Variants in KCNMA1 observed in about 807,000 individuals in gnomAD.
KCNMA1 encodes the protein potassium calcium-activated channel subfamily M alpha 1.
In KCNMA1, 29 loss-of-function variants were observed where a neutral mutation model predicts 140.0. The ratio of observed to expected loss-of-function variants is 0.21; its 90% CI spans 0.15 to 0.28. KCNMA1 has a LOEUF of 0.28. Among genes scored for constraint, KCNMA1 ranks in the 10% least tolerant of loss-of-function variants. The pLI is 1.00. For missense variants in KCNMA1, 880 were observed against 1,602.2 expected, an observed-to-expected ratio of 0.55 and a Z score of 7.70; for synonymous variants, 612 against 611.9, an observed-to-expected ratio of 1.00 and a Z score of 0.00.
intron 2 of KCNMA1, among the ~76,000 whole-genome samples, chr10:77,283,212 T>C (rs1190000707): frequency 1.3e-5 from 2 of 152,254 alleles, no homozygotes. Flanking sequence ...AATGTCCATT[T>C]TCTTTCTTCA....
intron 2 of KCNMA1, among the ~76,000 whole-genome samples, chr10:77,334,844 C>T (rs912069815): frequency 1.3e-5 from 2 of 152,058 alleles, no homozygotes; most frequent in African/African-American, 4.8e-5. Context: ...TTTTGCATAA[C>T]CCAATATATG....
At chr10:77,469,311 G>A (rs924817643) in intron 1 of KCNMA1, among the ~76,000 whole-genome samples, 1 of 152,184 alleles carries the variant, frequency 6.6e-6, no homozygotes, top group Non-Finnish European at 1.5e-5. Flanking sequence ...ATTGGAGAAG[G>A]AGGATTTCTG....
At chr10:77,636,962 C>G (rs1047836281) in intron 1 of KCNMA1, 7 of 1,414,494 alleles carry the variant, frequency 4.9e-6, no homozygotes, top group Non-Finnish European at 6.4e-6. Flanking sequence ...GGCACCCGAG[C>G]CTGTGAGTCC....
intron 1 of KCNMA1, among the ~76,000 whole-genome samples, chr10:77,501,899 T>A (rs930043498): frequency 6.6e-6 from 1 of 152,172 alleles, no homozygotes; most frequent in African/African-American, 2.4e-5. Context: ...TTTCCACTCA[T>A]AAAGATGCAG....
chr10:77,527,892 G>T (rs1031584125), intron 1 of KCNMA1, among the ~76,000 whole-genome samples: 4 of 152,118 alleles, frequency 2.6e-5, no homozygotes, highest in African/African-American at 9.7e-5. Context: ...CCATCAGGAG[G>T]CTACAGGCTC....
chr10:76,985,238 C>CATT (rs2080922343), intron 19 of KCNMA1, among the ~76,000 whole-genome samples: 1 of 152,156 alleles, frequency 6.6e-6, no homozygotes, highest in Non-Finnish European at 1.5e-5. Flanking sequence ...ATATGTAAAG[C>CATT]ACTGTAAGTC....
intron 19 of KCNMA1, 34 bp from the exon 20 acceptor site, chr10:76,970,101 A>G: frequency 6.4e-7 from 1 of 1,551,840 alleles, no homozygotes. Context: ...GATTATGAAC[A>G]GTTTGAGGGC....
chr10:77,429,677 T>C (rs1047546537), intron 1 of KCNMA1, among the ~76,000 whole-genome samples: 3 of 152,230 alleles, frequency 2.0e-5, no homozygotes, highest in Admixed American at 2.0e-4. Context: ...ACTATTTAAT[T>C]GTTTTGTTTG....
At chr10:76,941,053 G>GAAAGAAAGAAAAAGAAAGAAAGAAAA (rs55655308) in intron 23 of KCNMA1, among the ~76,000 whole-genome samples, 1 of 55,156 alleles carries the variant, frequency 1.8e-5, no homozygotes, top group Non-Finnish European at 3.3e-5. Context: ...AAGAAAGAAA[G>GAAAGAAAGAAAAAGAAAGAAAGAAAA]AGAAAGAAAG....
intron 23 of KCNMA1, among the ~76,000 whole-genome samples, chr10:76,921,855 T>C (rs2055927400): frequency 6.6e-6 from 1 of 152,198 alleles, no homozygotes. Flanking sequence ...TGTAATATTT[T>C]TTCACAGTAG....
At chr10:77,145,648 G>T (rs1313867165) in intron 5 of KCNMA1, among the ~76,000 whole-genome samples, 9 of 152,192 alleles carry the variant, frequency 5.9e-5, no homozygotes, top group African/African-American at 2.2e-4. Context: ...AAGGACACTG[G>T]AATCCATTCA....
intron 9 of KCNMA1, chr10:77,091,799 G>A (rs1246155384): frequency 3.9e-5 from 6 of 152,254 alleles, no homozygotes; most frequent in East Asian, 1.9e-4. Flanking sequence ...AGGCAGTGAT[G>A]ATGGCTTATG....
chr10:77,117,558 A>G (rs1042782634), intron 6 of KCNMA1, among the ~76,000 whole-genome samples: 15 of 150,640 alleles, frequency 1.0e-4, no homozygotes, highest in Non-Finnish European at 2.2e-4. Context: ...AAAAAAAAAA[A>G]AAAAAAAGAA....
chr10:77,367,609 C>T (rs538424353), intron 2 of KCNMA1, among the ~76,000 whole-genome samples: 6 of 152,250 alleles, frequency 3.9e-5, no homozygotes, highest in South Asian at 4.2e-4. Context: ...TAAAGTTCTA[C>T]GAATGTTAGT....
chr10:77,364,647 A>G (rs542839939), intron 2 of KCNMA1, among the ~76,000 whole-genome samples: 1 of 152,140 alleles, frequency 6.6e-6, no homozygotes, highest in African/African-American at 2.4e-5. Flanking sequence ...CATAATTGAA[A>G]CCTCTGGCTC....
At chr10:77,322,998 A>G (rs1183050380) in intron 2 of KCNMA1, among the ~76,000 whole-genome samples, 1 of 152,208 alleles carries the variant, frequency 6.6e-6, no homozygotes, top group Non-Finnish European at 1.5e-5. Context: ...AATGGGAACT[A>G]AGACCACGTA....
intron 21 of KCNMA1, among the ~76,000 whole-genome samples, chr10:76,952,389 G>A (rs913716489): frequency 1.1e-4 from 17 of 152,226 alleles, no homozygotes; most frequent in African/African-American, 4.1e-4. Flanking sequence ...GTATGGTGGC[G>A]CGAACCTATA....
chr10:77,221,494 T>C (rs1391889059), intron 3 of KCNMA1, among the ~76,000 whole-genome samples: 3 of 152,126 alleles, frequency 2.0e-5, no homozygotes, highest in Admixed American at 6.5e-5. Context: ...CTATAGTCAA[T>C]AGTAACTTAA....
In KCNMA1 at chr10:77,090,523, G is replaced by A. The variant is rs758586089; in HGVS notation, c.1224-13C>T. 6.3e-7 allele frequency: 1 copy of A among 1,578,826 alleles called. No homozygotes were observed. The highest frequency in any genetic ancestry group is 8.7e-7 in the Non-Finnish European group (1 of 1,147,898). On this transcript the variant is annotated splice_polypyrimidine_tract_variant and intron_variant, in intron 9 of 27. Transcript: ENST00000286628. ...GACCACAATGTGCCTGAACAGGAGA[G>A]GCCAGTTAGATCAGGCCAGGCACCA...
Sources: gnomAD v4.1 joint callset for allele counts (sites outside exome capture counted in the v4.1 genomes callset) on GRCh38, gnomAD v4.1.1 for gene constraint, MANE v1.5 for transcripts, NCBI Gene and HGNC (gene_info 2026-07-23, HGNC 2026-07-21) for gene names.